Variants in MDC1 observed in about 807,000 individuals in gnomAD.
MDC1 encodes the protein mediator of DNA damage checkpoint protein 1.
MDC1 carries 81 observed loss-of-function variants against 142.5 expected under a neutral mutation model. The ratio of observed to expected loss-of-function variants is 0.57; its 90% CI spans 0.47 to 0.68. MDC1 has a LOEUF of 0.68. MDC1 is among the 30% of genes least tolerant of loss of function. MDC1 has a pLI of 0.00. For missense variants in MDC1, 2,119 were observed against 2,547.9 expected, an observed-to-expected ratio of 0.83 and a Z score of 3.62; for synonymous variants, 797 against 968.4, an observed-to-expected ratio of 0.82 and a Z score of 3.29.
Position 30,704,176 on chromosome 6 carries a change from G to C in MDC1, c.5007C>G (p.Ser1669=), listed in dbSNP as rs749466432. 1.9e-6 allele frequency: 3 copies of C among 1,612,474 alleles called. No homozygotes were observed. Among genetic ancestry groups the C allele is most frequent in the East Asian group, 4.5e-5 (2 of 44,844 alleles). The change falls in exon 10 of 15, where the codon TCC becomes TCG. Residue 1669 remains serine (S), a synonymous_variant. Transcript: ENST00000376406. ...DLEPFTPTDQ[S]VTPEAIAQGG... ...CCTGAGCTATGGCCTCAGGGGTGAC[G>C]GACTGGTCTGTGGGGGTAAAAGGCT...
At position 30,712,234 on chromosome 6, in the gene MDC1, C is replaced by A; in HGVS notation, c.1708G>T (p.Ala570Ser). 1 of 1,612,974 alleles carries A rather than the reference C, an allele frequency of 6.2e-7. No individual in the cohort carries two copies. Among genetic ancestry groups the A allele is most frequent in the Non-Finnish European group, 8.5e-7 (1 of 1,179,954 alleles). Residue 570 changes from alanine (A) to serine (S), a missense_variant, in exon 5 of 15, where the codon GCC becomes TCC. By Grantham distance (99) the Ala-to-Ser change is moderately conservative (BLOSUM62 1). Transcript: ENST00000376406. This position sits in a 1 kb window ranked among gnomAD's most constrained non-coding sequence, Gnocchi z 4.7. ...TCACAGTCCCCATGCAGAGGCCAGG[C>A]TTCCTCTAGAGATACCACAAGCAGC... ...AKLLVVSLEEAWPLHGDCETD... is the reference protein window; with the variant it reads ...AKLLVVSLEESWPLHGDCETD...
At position 30,712,039 on chromosome 6, in the gene MDC1, C is replaced by T; in HGVS notation, c.1903G>A (p.Glu635Lys). The part of the protein sequence containing the change: ...AQGGPPVAQV[E>K]QDLPISRENL... ...TCTCTTGAGATAGGGAGGTCCTGCT[C>T]CACTTGTGCCACAGGTGGCCCACCC... Residue 635 changes from glutamate to lysine, a missense_variant, in exon 5 of 15, where the codon GAG (glutamate) becomes AAG (lysine). By Grantham distance (56) the Glu-to-Lys change is moderately conservative. Coordinates refer to ENST00000376406, the MANE Select transcript of MDC1 (RefSeq NM_014641.3). The surrounding 1 kb of genome is among the most constrained non-coding windows in gnomAD (Gnocchi z 4.7). 2 of 1,592,492 alleles carry T rather than the reference C, an allele frequency of 1.3e-6. No homozygotes were observed. Among genetic ancestry groups the T allele is most frequent in the Non-Finnish European group, 1.7e-6 (2 of 1,169,876 alleles).
At position 30,713,700 on chromosome 6, in the gene MDC1, G is replaced by T. The variant is rs28986464; in HGVS notation, c.535C>A (p.Arg179Ser). Residue 179 changes from arginine to serine, a missense_variant, in exon 4 of 15, where the codon CGT (arginine) becomes AGT (serine). Physicochemically the swap from Arg to Ser is moderately radical, Grantham distance 110 (BLOSUM62 -1). Coordinates refer to ENST00000376406, the MANE Select transcript of MDC1 (RefSeq NM_014641.3). The surrounding 1 kb of genome is among the most constrained non-coding windows in gnomAD (Gnocchi z 4.9). ...GTGGTCCTTGATTTTTTTACCATAC[G>T]CCTTTCAGAAAGAAAATCTGTCAAG... ...EEEVDFLSERRMVKKSRTTSS... is the reference protein window; with the variant it reads ...EEEVDFLSERSMVKKSRTTSS... The T allele has an allele frequency of 6.2e-7, 1 of 1,614,006 alleles. No homozygotes were observed. Among genetic ancestry groups the T allele is most frequent in the Non-Finnish European group, 8.5e-7 (1 of 1,179,998 alleles).
In MDC1 at chr6:30,707,666, C is replaced by A. The variant is rs745557120; in HGVS notation, c.2913G>T (p.Val971=). 3 of 1,613,054 alleles carry A rather than the reference C, an allele frequency of 1.9e-6. No individual in the cohort carries two copies. Among genetic ancestry groups the A allele is most frequent in the African/African-American group, 1.3e-5 (1 of 75,038 alleles). ...TAGGTCCCGGAAGGTCCCCCGCCCC[C>A]ACCCCAGGCTCTGGTGTTGGGCTGG... is the stretch of plus-strand genomic sequence containing the variant. ...QASSPTPEPG[V]GAGDLPGPTS... Residue 971 remains valine, a synonymous_variant, in exon 8 of 15, where the codon GTG becomes GTT. Transcript: ENST00000376406.
In MDC1 at chr6:30,708,183, G is replaced by A. The variant is rs775696423; in HGVS notation, c.2396C>T (p.Pro799Leu). ...CCTCCCTCTGCCTTGAATCCCCATT[G>A]GCTCTGTGTGAACTGGGCTCTCTGG... ...QHPESPVHTE[P>L]MGIQGRGRQT... Residue 799 changes from proline to leucine, a missense_variant, in exon 8 of 15, where the codon CCA becomes CTA. By Grantham distance (98) the Pro-to-Leu change is moderately conservative. Coordinates refer to ENST00000376406, the MANE Select transcript of MDC1 (RefSeq NM_014641.3). 2 of 1,613,130 alleles carry A rather than the reference G, an allele frequency of 1.2e-6. No homozygotes were observed. The highest frequency in any genetic ancestry group is 2.2e-5 in the East Asian group (1 of 44,876).
chr6:30,703,946 A>G lies in MDC1; in HGVS notation c.5237T>C (p.Leu1746Ser). ...CCTTGAGGCCTGGGATTTAGGTTCC[A>G]AGGGTGCAGAGCAAGGCTTATGGTC... ...PIDHKPCSAP[L>S]EPKSQASRNQ... The change falls in exon 10 of 15, where the codon TTG becomes TCG. Residue 1746 changes from leucine (L) to serine (S), a missense_variant. Physicochemically the swap from Leu to Ser is moderately radical, Grantham distance 145. Transcript: ENST00000376406. This position sits in a 1 kb window ranked among gnomAD's most constrained non-coding sequence, Gnocchi z 4.4. 1.2e-6 allele frequency: 2 copies of G among 1,614,206 alleles called. No homozygotes were observed. Among genetic ancestry groups the G allele is most frequent in the Non-Finnish European group, 1.7e-6 (2 of 1,180,034 alleles).
intron 9 of MDC1, among the ~76,000 whole-genome samples, chr6:30,706,620 T>TA (rs9278748): frequency 0.07 from 2,994 of 42,784 alleles, 211 homozygotes; most frequent in African/African-American, 0.19. Flanking sequence ...AGACTCTGTC[T>TA]AAAAAAAAAA....
chr6:30,705,581 G>A lies in MDC1; in HGVS notation c.3602C>T (p.Thr1201Ile). The A allele has an allele frequency of 6.2e-7, 1 of 1,607,112 alleles. No individual in the cohort carries two copies. Among genetic ancestry groups the A allele is most frequent in the Non-Finnish European group, 8.5e-7 (1 of 1,176,900 alleles). Residue 1201 changes from threonine (T) to isoleucine (I), a missense_variant, in exon 10 of 15, where the codon ACA (threonine) becomes ATA (isoleucine). Transcript: ENST00000376406. Reference sequence around the variant, plus strand: ...GAGCTCAAGGGCTGTGGGCACAACTGTTTCAGGGGTCTTGACAGAGGATCT... The same window carrying A: ...GAGCTCAAGGGCTGTGGGCACAACTATTTCAGGGGTCTTGACAGAGGATCT... ...KSRSSVKTPETVVPTALELQP... is the reference protein window; with the variant it reads ...KSRSSVKTPEIVVPTALELQP...
At chr6:30,714,826 C>A (rs1775430479) in intron 2 of MDC1, among the ~76,000 whole-genome samples, 1 of 152,076 alleles carries the variant, frequency 6.6e-6, no homozygotes. Flanking sequence ...TCATTTCAAT[C>A]TCTTAATTTT....
At position 30,703,682 on chromosome 6, in the gene MDC1, T is replaced by G; in HGVS notation, c.5501A>C (p.Gln1834Pro). ...CTCTTCCTTGATAATCACTGTCTTCTGGGAGACTTCCCCTCTTTGGGGCTG... is the reference window on the plus strand; with the variant it reads ...CTCTTCCTTGATAATCACTGTCTTCGGGGAGACTTCCCCTCTTTGGGGCTG... ...QKQPQRGEVS[Q>P]KTVIIKEEEE... The change falls in exon 10 of 15, where the codon CAG becomes CCG. Residue 1834 changes from glutamine (Q) to proline (P), a missense_variant. Coordinates refer to ENST00000376406, the MANE Select transcript of MDC1 (RefSeq NM_014641.3). This position sits in a 1 kb window ranked among gnomAD's most constrained non-coding sequence, Gnocchi z 4.4. 1 of 1,548,342 alleles carries G rather than the reference T, an allele frequency of 6.5e-7. No homozygotes were observed. Among genetic ancestry groups the G allele is most frequent in the Non-Finnish European group, 8.7e-7 (1 of 1,152,132 alleles).
Position 30,705,355 on chromosome 6 carries a change from G to A in MDC1, c.3828C>T (p.Ser1276=), listed in dbSNP as rs145576697. 5.4e-3 allele frequency: 8,665 copies of A among 1,602,026 alleles called. 37 individuals carry two copies. The highest frequency in any genetic ancestry group is 6.7e-3 in the Non-Finnish European group (7,817 of 1,175,226). The part of the protein sequence containing the change: ...YQATRGRKNR[S]SVKTPEPVVP... The stretch of plus-strand genomic sequence containing the variant: ...CAACTGGTTCAGGGGTCTTGACAGA[G>A]GATCTATTTTTTCTTCCCCTAGTAG... Residue 1276 remains serine (S), a synonymous_variant, in exon 10 of 15, where the codon TCC becomes TCT. Transcript: ENST00000376406.
At chr6:30,707,336 G>A (rs766774968) in intron 9 of MDC1, 48 bp downstream of exon 9, 4 of 1,542,796 alleles carry the variant, frequency 2.6e-6, no homozygotes, top group Non-Finnish European at 3.6e-6. Flanking sequence ...CATTGGAGAA[G>A]ATATAGAGAT....
In MDC1 at chr6:30,710,528, G is replaced by A. The variant is rs370979815; in HGVS notation, c.2221+884C>T. ...TTCTCCTGACTCAGTCTCCTGAGTAGCTGGGATTACAGGCATGCACCACCA... is the reference window on the plus strand; with the variant it reads ...TTCTCCTGACTCAGTCTCCTGAGTAACTGGGATTACAGGCATGCACCACCA... On this transcript the variant is annotated intron_variant, in intron 7 of 14. Transcript: ENST00000376406. 1.6e-4 allele frequency among the ~76,000 whole-genome samples: 25 copies of A among 152,046 alleles called. 3 individuals are homozygous for A. Among genetic ancestry groups the A allele is most frequent in the East Asian group, 1.2e-3 (6 of 5,158 alleles).
rs747402074 is a variant in MDC1, at chr6:30,713,155, G to T, written c.787C>A (p.Pro263Thr). 1.2e-6 allele frequency: 2 copies of T among 1,612,942 alleles called. No individual in the cohort carries two copies. Among genetic ancestry groups the T allele is most frequent in the Non-Finnish European group, 1.7e-6 (2 of 1,179,918 alleles). The change falls in exon 5 of 15, where the codon CCT (proline) becomes ACT (threonine). Residue 263 changes from proline to threonine, a missense_variant. Transcript: ENST00000376406. The surrounding 1 kb of genome is among the most constrained non-coding windows in gnomAD (Gnocchi z 4.9). ...TCATTGTCCCTCTCCTTCACTAAAG[G>T]CTGATCCTTTTCAAGCTGGATTTCA... ...VTEIQLEKDQ[P>T]LVKERDNDTK...
chr6:30,702,847 C>T lies in MDC1; in HGVS notation c.5896G>A (p.Asp1966Asn), dbSNP rs560042770. 26 of 1,613,130 alleles carry T rather than the reference C, an allele frequency of 1.6e-5. 1 individual carries two copies. The Admixed American group carries it at 3.5e-4, about 22-fold the overall frequency. Residue 1966 changes from aspartate to asparagine, a missense_variant, in exon 13 of 15, where the codon GAT (aspartate) becomes AAT (asparagine). Asp to Asn is a conservative substitution (Grantham distance 23, BLOSUM62 1). Transcript: ENST00000376406. ...SRKAGFFLPP[D>N]EYVVTDPEQE... ...TCAGGGTCGGTCACCACATATTCAT[C>T]CGGGGGTAAGAAGAAACCAGCCTTG...
intron 7 of MDC1, among the ~76,000 whole-genome samples, chr6:30,710,294 G>A (rs1774639502): frequency 6.6e-6 from 1 of 152,048 alleles, no homozygotes. Flanking sequence ...TCACCATGTT[G>A]GCCAGGCTGG....
At position 30,713,546 on chromosome 6, in the gene MDC1, A is replaced by T; in HGVS notation, c.587+102T>A. 7.5e-7 allele frequency: 1 copy of T among 1,339,184 alleles called. No homozygotes were observed. Among genetic ancestry groups the T allele is most frequent in the Admixed American group, 2.3e-5 (1 of 43,542 alleles). 83.0% of individuals were successfully genotyped at this position (1,339,184 alleles called of 1,614,324 possible). ...AGTGAATGAATATGTATGGTTCCCC[A>T]GCCCCAACTCTCATGATAATCATCT... On this transcript the variant is annotated intron_variant, in intron 4 of 14. Coordinates refer to ENST00000376406, the MANE Select transcript of MDC1 (RefSeq NM_014641.3). The surrounding 1 kb of genome is among the most constrained non-coding windows in gnomAD (Gnocchi z 4.9).
At position 30,702,000 on chromosome 6, in the gene MDC1, C is replaced by T. The variant is rs563850632; in HGVS notation, c.6102+553G>A. ...GGAAAAAGCCGGGCGCGGTGGCTCA[C>T]GCCTGTAATCCCAGCACTTTGAGAG... On this transcript the variant is annotated intron_variant, in intron 14 of 14. Coordinates refer to ENST00000376406, the MANE Select transcript of MDC1 (RefSeq NM_014641.3). Among the ~76,000 whole-genome samples, 11 of 152,076 alleles carry T rather than the reference C, an allele frequency of 7.2e-5. 1 individual carries two copies. The highest frequency in any genetic ancestry group is 5.8e-4 in the East Asian group (3 of 5,184).
In MDC1 at chr6:30,712,306, CCA is replaced by C; in HGVS notation, c.1634_1635del (p.Val545GlyfsTer33). 6.2e-7 allele frequency: 1 copy of C among 1,613,146 alleles called. No individual in the cohort carries two copies. The highest frequency in any genetic ancestry group is 8.5e-7 in the Non-Finnish European group (1 of 1,180,042). The stretch of plus-strand genomic sequence containing the variant: ...TTCACATCTGTTTGATTTGTCCCCT[CCA>C]CAGACACCTGATGCTTCTTTATATG... ...IIHIKKHQVS[V>X]EGTNQTDVKA... On this transcript the variant is annotated frameshift_variant, in exon 5 of 15. Transcript: ENST00000376406. LOFTEE classifies it high-confidence loss of function. The surrounding 1 kb of genome is among the most constrained non-coding windows in gnomAD (Gnocchi z 4.7).
Sources: allele counts gnomAD v4.1 joint callset (sites outside exome capture counted in the v4.1 genomes callset), GRCh38; gene constraint gnomAD v4.1.1; non-coding constraint Gnocchi (gnomAD v3.1); transcripts MANE v1.5; gene names NCBI Gene and HGNC (gene_info 2026-07-23, HGNC 2026-07-21).